Variants in APCDD1 observed in about 807,000 individuals in gnomAD.
The protein encoded by APCDD1 is APC down-regulated 1, also known as protein APCDD1.
In APCDD1, 15 loss-of-function variants were observed where a neutral mutation model predicts 38.1. The observed-to-expected ratio is 0.39, with a 90% CI of 0.26 to 0.61. The LOEUF (loss-of-function observed/expected upper bound fraction) is 0.61. Among genes scored for constraint, APCDD1 ranks in the 20% least tolerant of loss-of-function variants. APCDD1 has a pLI of 0.49. For missense variants in APCDD1, 647 were observed against 696.2 expected (o/e 0.93, Z 0.79); for synonymous variants, 261 against 279.7 (o/e 0.93, Z 0.67).
intron 1 of APCDD1, among the ~76,000 whole-genome samples, chr18:10,456,815 C>T (rs1025927167): frequency 3.3e-5 from 5 of 152,102 alleles, no homozygotes; most frequent in Non-Finnish European, 5.9e-5. Flanking sequence ...TCCATAACTC[C>T]GGGGATCTGA....
Position 10,471,173 on chromosome 18 carries a change from C to G in APCDD1, c.243-357C>G, listed in dbSNP as rs763976939. Among the ~76,000 whole-genome samples, 1 of 152,242 alleles carries G rather than the reference C, an allele frequency of 6.6e-6. No individual in the cohort carries two copies. Among genetic ancestry groups the G allele is most frequent in the Admixed American group, 6.5e-5 (1 of 15,286 alleles). On this transcript the variant is annotated intron_variant, in intron 2 of 4. Coordinates refer to ENST00000355285, the MANE Select transcript of APCDD1 (RefSeq NM_153000.5). This position sits in a 1 kb window ranked among gnomAD's most constrained non-coding sequence, Gnocchi z 5.5. ...CCTGCACAGGGCAGCAGGTGTTTGC[C>G]CTCCTGGCCTGCTCGTGAAGCGAGT...
At chr18:10,477,104 TAGA>T (rs2031020650) in intron 3 of APCDD1, 1 of 152,304 alleles carries the variant, frequency 6.6e-6, no homozygotes, top group African/African-American at 2.4e-5. Context: ...CTCTGGGGTA[TAGA>T]AGGAGCCAGG....
rs1457837912 is a variant in APCDD1, at chr18:10,487,645, C to G, written c.1152C>G (p.Val384=). 1.2e-6 allele frequency: 2 copies of G among 1,614,070 alleles called. No homozygotes were observed. Among genetic ancestry groups the G allele is most frequent in the Admixed American group, 3.3e-5 (2 of 60,012 alleles). ...MDAATASLLN[V]FNGNECGAEG... is the part of the protein sequence containing the mutation. The stretch of plus-strand genomic sequence containing the variant: ...CGGCCACAGCCTCACTGCTCAACGT[C>G]TTCAACGGGAATGAGTGCGGGGCCG... Residue 384 remains valine, a synonymous_variant, in exon 5 of 5, where the codon GTC becomes GTG. Transcript: ENST00000355285.
chr18:10,479,345 C>T (rs917154281), intron 3 of APCDD1, among the ~76,000 whole-genome samples: 1 of 152,198 alleles, frequency 6.6e-6, no homozygotes, highest in Non-Finnish European at 1.5e-5. Flanking sequence ...CTTTTGAAGG[C>T]TTGTGTTTCA....
chr18:10,460,250 T>TCA (rs1406038083), intron 1 of APCDD1, among the ~76,000 whole-genome samples: 2 of 152,228 alleles, frequency 1.3e-5, no homozygotes, highest in Non-Finnish European at 2.9e-5. Context: ...GCACGGTGGC[T>TCA]CACGCCTGTA....
At chr18:10,482,223 A>T (rs2031157729) in intron 3 of APCDD1, among the ~76,000 whole-genome samples, 1 of 152,110 alleles carries the variant, frequency 6.6e-6, no homozygotes, top group African/African-American at 2.4e-5. Flanking sequence ...TCTTTTCAGG[A>T]ATTGAGACTC....
rs1365016884 is a variant in APCDD1 at position 10,487,939 on chromosome 18, C to T, written c.1446C>T (p.Ser482=). 1 of 1,613,484 alleles carries T rather than the reference C, an allele frequency of 6.2e-7. No homozygotes were observed. The highest frequency in any genetic ancestry group is 8.5e-7 in the Non-Finnish European group (1 of 1,179,840). ...AGGACCTCGCAGAAGACAGTGGAAGCAGCCTGTATGGCCGGGCCCCTGGGA... is the reference window on the plus strand; with the variant it reads ...AGGACCTCGCAGAAGACAGTGGAAGTAGCCTGTATGGCCGGGCCCCTGGGA... The part of the protein sequence containing the change: ...RAEDLAEDSG[S]SLYGRAPGRH... Residue 482 remains serine (S), a synonymous_variant, in exon 5 of 5, where the codon AGC becomes AGT. Coordinates refer to ENST00000355285, the MANE Select transcript of APCDD1 (RefSeq NM_153000.5).
chr18:10,463,964 C>T (rs530134917), intron 1 of APCDD1, among the ~76,000 whole-genome samples: 2 of 152,318 alleles, frequency 1.3e-5, no homozygotes, highest in South Asian at 4.1e-4. Flanking sequence ...GCACTGCCAG[C>T]CTCGCTGGGT....
At chr18:10,473,337 C>T (rs1037309136) in intron 3 of APCDD1, among the ~76,000 whole-genome samples, 7 of 152,204 alleles carry the variant, frequency 4.6e-5, no homozygotes, top group Admixed American at 6.5e-5. Context: ...TGTGTCCCCG[C>T]GTGTGAGATG....
intron 3 of APCDD1, among the ~76,000 whole-genome samples, chr18:10,482,330 G>A (rs1289313936): frequency 6.6e-6 from 1 of 152,186 alleles, no homozygotes; most frequent in Admixed American, 6.5e-5. Flanking sequence ...GAATGGCGCA[G>A]AGGGGAGCTG....
intron 3 of APCDD1, chr18:10,477,494 A>G (rs2031030687): frequency 6.6e-6 from 1 of 152,178 alleles, no homozygotes; most frequent in Non-Finnish European, 1.5e-5. Flanking sequence ...ACAGCTCATT[A>G]TATTTCTTGA....
chr18:10,486,268 C>T (rs575274759), intron 4 of APCDD1, among the ~76,000 whole-genome samples: 2 of 152,276 alleles, frequency 1.3e-5, no homozygotes, highest in East Asian at 1.9e-4. Context: ...CTAGGAGGAT[C>T]GCTTGAGCCC....
rs933025904 is a variant in APCDD1 at position 10,472,867 on chromosome 18, G to A, written c.774+806G>A. Among the ~76,000 whole-genome samples, 2 of 152,190 alleles carry A rather than the reference G, an allele frequency of 1.3e-5. No homozygotes were observed. Among genetic ancestry groups the A allele is most frequent in the Non-Finnish European group, 2.9e-5 (2 of 68,022 alleles). ...ACAAGCTTAGAGTACACGTCCATGT[G>A]TAACTCGATCACCTCCACCATCTCC... On this transcript the variant is annotated intron_variant, in intron 3 of 4. Transcript: ENST00000355285. This position sits in a 1 kb window ranked among gnomAD's most constrained non-coding sequence, Gnocchi z 6.6.
chr18:10,459,937 G>C (rs914763242), intron 1 of APCDD1, among the ~76,000 whole-genome samples: 1 of 152,164 alleles, frequency 6.6e-6, no homozygotes, highest in Non-Finnish European at 1.5e-5. Context: ...AAAATGAACA[G>C]AAAAGAATCA....
intron 4 of APCDD1, among the ~76,000 whole-genome samples, chr18:10,486,966 C>T (rs762379336): frequency 7.2e-5 from 11 of 152,232 alleles, no homozygotes; most frequent in Non-Finnish European, 1.6e-4. Context: ...CACCCTGAAG[C>T]TCATCGTGTT....
intron 1 of APCDD1, among the ~76,000 whole-genome samples, chr18:10,464,352 A>G (rs1463819224): frequency 6.6e-6 from 1 of 151,710 alleles, no homozygotes; most frequent in African/African-American, 2.4e-5. Context: ...ACAGACACAC[A>G]CACACAAAAA....
rs148807402 is a variant in APCDD1, at chr18:10,487,620, C to T, written c.1127C>T (p.Ala376Val). The T allele has an allele frequency of 1.3e-4, 209 of 1,614,126 alleles. No individual in the cohort carries two copies. The highest frequency in any genetic ancestry group is 1.7e-4 in the Non-Finnish European group (196 of 1,180,036). The change falls in exon 5 of 5, where the codon GCG becomes GTG. Residue 376 changes from alanine (A) to valine (V), a missense_variant. Coordinates refer to ENST00000355285, the MANE Select transcript of APCDD1 (RefSeq NM_153000.5). ...VNHMKVTPMD[A>V]ATASLLNVFN... Reference sequence around the variant, plus strand: ...CACATGAAGGTCACCCCCATGGATGCGGCCACAGCCTCACTGCTCAACGTC... The same window carrying T: ...CACATGAAGGTCACCCCCATGGATGTGGCCACAGCCTCACTGCTCAACGTC...
At chr18:10,482,874 A>G (rs1270826167) in intron 3 of APCDD1, among the ~76,000 whole-genome samples, 1 of 152,244 alleles carries the variant, frequency 6.6e-6, no homozygotes, top group East Asian at 1.9e-4. Flanking sequence ...AAGGAAACGT[A>G]AAGGCAAAGC....
At chr18:10,463,921 C>T (rs2030634570) in intron 1 of APCDD1, among the ~76,000 whole-genome samples, 1 of 152,212 alleles carries the variant, frequency 6.6e-6, no homozygotes, top group South Asian at 2.1e-4. Flanking sequence ...CCTTGGGGTT[C>T]TCCATCTGGC....
Sources: allele counts gnomAD v4.1 joint callset (sites outside exome capture counted in the v4.1 genomes callset), GRCh38; gene constraint gnomAD v4.1.1; non-coding constraint Gnocchi (gnomAD v3.1); transcripts MANE v1.5; gene names NCBI Gene and HGNC (gene_info 2026-07-23, HGNC 2026-07-21).